TRPC1: variants seen among roughly 807,000 people sequenced by gnomAD.
The protein encoded by TRPC1 is short transient receptor potential channel 1.
Under a neutral mutation model 88.2 loss-of-function variants are expected in TRPC1, and 42 were observed. The ratio of observed to expected loss-of-function variants is 0.48; its 90% CI spans 0.37 to 0.62. The LOEUF (loss-of-function observed/expected upper bound fraction) is 0.62, where lower values mean the gene tolerates loss of function less well. Among genes scored for constraint, TRPC1 ranks in the 20% least tolerant of loss-of-function variants. TRPC1 has a pLI of 0.00. For synonymous variants in TRPC1, 288 were observed against 331.8 expected, an observed-to-expected ratio of 0.87 and a Z score of 1.43; for missense variants, 699 against 957.3, an observed-to-expected ratio of 0.73 and a Z score of 3.56.
chr3:142,787,906 G>A (rs1936180084), intron 7 of TRPC1, among the ~76,000 whole-genome samples: 1 of 152,158 alleles, frequency 6.6e-6, no homozygotes, highest in Non-Finnish European at 1.5e-5. Flanking sequence ...ACTGGGAGAG[G>A]AAGCTACTCT....
In TRPC1 at chr3:142,776,767, G is replaced by C. The variant is rs1033582854; in HGVS notation, c.633-865G>C. Among the ~76,000 whole-genome samples the C allele has an allele frequency of 2.6e-5, 4 of 151,978 alleles. No individual in the cohort carries two copies. The highest frequency in any genetic ancestry group is 2.6e-4 in the Admixed American group (4 of 15,260). On this transcript the variant is annotated intron_variant, in intron 4 of 12. Coordinates refer to ENST00000476941, the MANE Select transcript of TRPC1 (RefSeq NM_001251845.2). The surrounding 1 kb of genome is among the most constrained non-coding windows in gnomAD (Gnocchi z 4.1). ...AAAATACAAAAATTAGCCAGGCGTG[G>C]TGGCACATGCCTGTAATCCCAGCTA...
Position 142,774,057 on chromosome 3 carries a change from G to A in TRPC1, c.633-3575G>A, listed in dbSNP as rs144091593. The stretch of plus-strand genomic sequence containing the variant: ...GTTTTAGTCTCATTTTCATTGTTTA[G>A]GTTTGATTCCTAAGGACTCTTTTTA... On this transcript the variant is annotated intron_variant, in intron 4 of 12. Coordinates refer to ENST00000476941, the MANE Select transcript of TRPC1 (RefSeq NM_001251845.2). Among the ~76,000 whole-genome samples, 310 of 152,074 alleles carry A rather than the reference G, an allele frequency of 2.0e-3. 3 individuals carry two copies. Among genetic ancestry groups the A allele is most frequent in the African/African-American group, 7.2e-3 (298 of 41,468 alleles).
At chr3:142,804,699 A>AG in intron 12 of TRPC1, 69 bp downstream of exon 12, 1 of 1,465,282 alleles carries the variant, frequency 6.8e-7, no homozygotes, top group Non-Finnish European at 9.2e-7. Context: ...TATTTCTTAA[A>AG]GCGTAAGTAT....
chr3:142,767,701 A>G lies in TRPC1; in HGVS notation c.633-9931A>G, dbSNP rs1447668684. Among the ~76,000 whole-genome samples, 1 of 151,392 alleles carries G rather than the reference A, an allele frequency of 6.6e-6. No individual in the cohort carries two copies. The highest frequency in any genetic ancestry group is 2.4e-5 in the African/African-American group (1 of 41,374). ...GTGCATCACTTCAAAAAGAAACCCT[A>G]TATTCATTAGCAGTCACTCTCCCAG... On this transcript the variant is annotated intron_variant, in intron 4 of 12. Coordinates refer to ENST00000476941, the MANE Select transcript of TRPC1 (RefSeq NM_001251845.2). This position sits in a 1 kb window ranked among gnomAD's most constrained non-coding sequence, Gnocchi z 5.1.
intron 1 of TRPC1, among the ~76,000 whole-genome samples, chr3:142,728,335 CTTT>C (rs72269824): frequency 6.5e-5 from 9 of 137,868 alleles, no homozygotes; most frequent in Admixed American, 7.2e-5. Context: ...GACTGTATTT[CTTT>C]TTTTTTTTTT....
At chr3:142,761,932 CT>C (rs1218860703) in intron 4 of TRPC1, among the ~76,000 whole-genome samples, 1 of 151,752 alleles carries the variant, frequency 6.6e-6, no homozygotes, top group East Asian at 1.9e-4. Flanking sequence ...TTTTTCATTT[CT>C]TATTTTTTTA....
chr3:142,736,588 A>G, intron 2 of TRPC1, 55 bp downstream of exon 2: 2 of 1,399,236 alleles, frequency 1.4e-6, no homozygotes, highest in Non-Finnish European at 1.9e-6. Flanking sequence ...TAGATATGCC[A>G]TGCTTTCTTC....
intron 5 of TRPC1, 88 bp from the exon 6 acceptor site, chr3:142,780,745 AT>A (rs1935933155): frequency 2.3e-6 from 3 of 1,283,462 alleles, no homozygotes; most frequent in Non-Finnish European, 3.2e-6. Flanking sequence ...CAGAATTAAA[AT>A]GTTGCTGAGT....
intron 4 of TRPC1, among the ~76,000 whole-genome samples, chr3:142,759,721 G>C (rs954856453): frequency 2.0e-5 from 3 of 152,104 alleles, no homozygotes; most frequent in African/African-American, 7.2e-5. Flanking sequence ...GGCTTTTGTT[G>C]CCGTTGCTTT....
chr3:142,771,956 A>T (rs976937560), intron 4 of TRPC1, among the ~76,000 whole-genome samples: 3 of 152,082 alleles, frequency 2.0e-5, no homozygotes, highest in Non-Finnish European at 4.4e-5. Flanking sequence ...ATGATTAACA[A>T]TTTTTAAATT....
At chr3:142,804,714 GT>G in intron 12 of TRPC1, 84 bp downstream of exon 12, 1 of 1,303,892 alleles carries the variant, frequency 7.7e-7, no homozygotes, top group Non-Finnish European at 1.1e-6. Context: ...AAGTATGCAG[GT>G]TCCCTAAGGG....
chr3:142,773,393 A>G (rs1015026146), intron 4 of TRPC1, among the ~76,000 whole-genome samples: 4 of 152,038 alleles, frequency 2.6e-5, no homozygotes, highest in Admixed American at 6.6e-5. Flanking sequence ...ATTTCAAACT[A>G]GCCATTATAA....
At chr3:142,799,234 AT>A (rs1936538734) in intron 9 of TRPC1, among the ~76,000 whole-genome samples, 1 of 152,126 alleles carries the variant, frequency 6.6e-6, no homozygotes, top group African/African-American at 2.4e-5. Flanking sequence ...AAATTTTAGT[AT>A]TAATATTTTA....
chr3:142,738,098 C>G (rs1934208489), intron 2 of TRPC1, among the ~76,000 whole-genome samples: 1 of 152,164 alleles, frequency 6.6e-6, no homozygotes, highest in South Asian at 2.1e-4. Flanking sequence ...TGATCACATT[C>G]AGACATCACA....
chr3:142,783,772 CAG>C (rs1191033137), intron 6 of TRPC1, among the ~76,000 whole-genome samples: 1 of 152,106 alleles, frequency 6.6e-6, no homozygotes, highest in Non-Finnish European at 1.5e-5. Context: ...CATTTTAAAA[CAG>C]AAGGTTGACC....
chr3:142,778,222 CT>C (rs1935849307), intron 5 of TRPC1, among the ~76,000 whole-genome samples: 1 of 152,094 alleles, frequency 6.6e-6, no homozygotes, highest in African/African-American at 2.4e-5. Flanking sequence ...GACATAGTCC[CT>C]TTTCACTATT....
intron 4 of TRPC1, among the ~76,000 whole-genome samples, chr3:142,774,812 G>A (rs1935703087): frequency 6.6e-6 from 1 of 151,958 alleles, no homozygotes. Context: ...TGAAAGAAGT[G>A]GCTTCATTAT....
chr3:142,771,932 T>C (rs2108097302), intron 4 of TRPC1, among the ~76,000 whole-genome samples: 1 of 152,316 alleles, frequency 6.6e-6, no homozygotes, highest in Non-Finnish European at 1.5e-5. Flanking sequence ...TTCACTTTGC[T>C]GGATTTAGGA....
chr3:142,772,545 C>T lies in TRPC1; in HGVS notation c.633-5087C>T, dbSNP rs375449183. Among the ~76,000 whole-genome samples, 6 of 152,124 alleles carry T rather than the reference C, an allele frequency of 3.9e-5. 1 individual carries two copies. The East Asian group carries it at 1.2e-3, about 29-fold the overall frequency. The stretch of plus-strand genomic sequence containing the variant: ...GCGCCGTGGCTCACTCTTGTAATCC[C>T]AGCACTTCAAGAGGCTAAGGCGGGT... On this transcript the variant is annotated intron_variant, in intron 4 of 12. Coordinates refer to ENST00000476941, the MANE Select transcript of TRPC1 (RefSeq NM_001251845.2).
Sources: allele counts gnomAD v4.1 joint callset (sites outside exome capture counted in the v4.1 genomes callset), GRCh38; gene constraint gnomAD v4.1.1; non-coding constraint Gnocchi (gnomAD v3.1); transcripts MANE v1.5; gene names NCBI Gene and HGNC (gene_info 2026-07-23, HGNC 2026-07-21).